The following RSRC1 variants were observed in gnomAD, a reference collection of about 807,000 sequenced individuals.
The protein encoded by RSRC1 is arginine and serine rich coiled-coil 1, also known as serine/Arginine-related protein 53.
In RSRC1, 39 loss-of-function variants were observed where a neutral mutation model predicts 49.1. The ratio of observed to expected loss-of-function variants is 0.79; its 90% confidence interval spans 0.61 to 1.04. RSRC1 has a LOEUF of 1.04. Ranked by LOEUF, RSRC1 falls within the 50% of genes least tolerant of loss-of-function variation. The pLI is 0.00. For missense variants in RSRC1, 388 were observed against 402.4 expected (o/e 0.96, Z 0.31); for synonymous variants, 143 against 130.8 (o/e 1.09, Z -0.63).
intron 3 of RSRC1, among the ~76,000 whole-genome samples, chr3:158,174,837 T>A (rs184239892): frequency 1.3e-4 from 20 of 152,214 alleles, no homozygotes; most frequent in Admixed American, 1.2e-3. Flanking sequence ...CTCCTTTGCC[T>A]GTGCATTCAT....
intron 4 of RSRC1, among the ~76,000 whole-genome samples, chr3:158,220,495 CTG>C (rs1195596785): frequency 2.0e-5 from 3 of 151,588 alleles, no homozygotes; most frequent in African/African-American, 2.4e-5. Context: ...AGAATAAAAA[CTG>C]TAATTCTTTC....
chr3:158,273,704 A>G (rs1259719517), intron 4 of RSRC1, among the ~76,000 whole-genome samples: 5 of 152,142 alleles, frequency 3.3e-5, no homozygotes, highest in African/African-American at 9.6e-5. Context: ...CCCATACTGA[A>G]TAAGTATTAC....
intron 7 of RSRC1, chr3:158,496,946 T>G (rs1045249949): frequency 6.1e-6 from 1 of 164,740 alleles, no homozygotes; most frequent in African/African-American, 2.4e-5. Context: ...CAAATAAAAA[T>G]TTTGGCTTAT....
intron 5 of RSRC1, chr3:158,303,448 TG>T (rs1169417163): frequency 1.3e-5 from 2 of 152,178 alleles, no homozygotes; most frequent in Admixed American, 1.3e-4. Flanking sequence ...CAGGGTGATC[TG>T]GGGCAGTGCT....
At chr3:158,157,472 T>C (rs572773016) in intron 3 of RSRC1, among the ~76,000 whole-genome samples, 1 of 152,210 alleles carries the variant, frequency 6.6e-6, no homozygotes, top group African/African-American at 2.4e-5. Flanking sequence ...TTTGGGATTA[T>C]GACAGTTAAA....
At chr3:158,470,422 A>G (rs1489465392) in intron 7 of RSRC1, among the ~76,000 whole-genome samples, 2 of 151,394 alleles carry the variant, frequency 1.3e-5, no homozygotes, top group East Asian at 1.9e-4. Flanking sequence ...GAAAGTGTAT[A>G]TAAGTTTATT....
At chr3:158,442,139 A>G (rs889404800) in intron 6 of RSRC1, among the ~76,000 whole-genome samples, 2 of 152,106 alleles carry the variant, frequency 1.3e-5, no homozygotes, top group Non-Finnish European at 2.9e-5. Context: ...TCTCACCTTG[A>G]TGTTTATGGC....
intron 7 of RSRC1, among the ~76,000 whole-genome samples, chr3:158,503,371 T>C (rs766714669): frequency 2.0e-5 from 3 of 152,134 alleles, no homozygotes; most frequent in Non-Finnish European, 4.4e-5. Flanking sequence ...GGCCTCCTGC[T>C]GGGAGGTGGC....
intron 6 of RSRC1, among the ~76,000 whole-genome samples, chr3:158,453,845 A>G (rs1025904136): frequency 6.6e-6 from 1 of 151,796 alleles, no homozygotes; most frequent in Non-Finnish European, 1.5e-5. Flanking sequence ...TGCATCTCTA[A>G]TTGTGTCACT....
At chr3:158,509,173 T>A (rs1273325151) in intron 7 of RSRC1, among the ~76,000 whole-genome samples, 3 of 152,200 alleles carry the variant, frequency 2.0e-5, no homozygotes, top group African/African-American at 7.2e-5. Context: ...TTCATTTTTG[T>A]GTAGGATGTG....
intron 5 of RSRC1, among the ~76,000 whole-genome samples, chr3:158,299,211 C>T (rs1559982510): frequency 2.0e-5 from 3 of 152,108 alleles, no homozygotes; most frequent in Non-Finnish European, 4.4e-5. Flanking sequence ...ATATGGATAT[C>T]AGAATAAACA....
At chr3:158,182,463 A>C (rs1719677508) in intron 3 of RSRC1, among the ~76,000 whole-genome samples, 1 of 152,136 alleles carries the variant, frequency 6.6e-6, no homozygotes, top group African/African-American at 2.4e-5. Flanking sequence ...GGACTGGTAG[A>C]ACTTTCAAGG....
chr3:158,525,043 G>C (rs562546092), intron 7 of RSRC1, among the ~76,000 whole-genome samples: 2 of 151,806 alleles, frequency 1.3e-5, no homozygotes, highest in Non-Finnish European at 2.9e-5. Context: ...GACACAAAAA[G>C]CACAAACCAT....
At chr3:158,356,194 A>G (rs1031727742) in intron 6 of RSRC1, among the ~76,000 whole-genome samples, 6 of 152,170 alleles carry the variant, frequency 3.9e-5, no homozygotes, top group African/African-American at 1.2e-4. Context: ...AAAATTTTTT[A>G]CTATAAAGAG....
chr3:158,341,104 T>A (rs946958698), intron 5 of RSRC1, among the ~76,000 whole-genome samples: 1 of 152,020 alleles, frequency 6.6e-6, no homozygotes, highest in Non-Finnish European at 1.5e-5. Context: ...CATTCAGTCT[T>A]AAAAGAGAAA....
intron 6 of RSRC1, among the ~76,000 whole-genome samples, chr3:158,373,235 A>G (rs1732175385): frequency 1.3e-5 from 2 of 151,896 alleles, no homozygotes; most frequent in Non-Finnish European, 3.0e-5. Flanking sequence ...TCTTATTTTT[A>G]CCTTATTACT....
At chr3:158,536,155 A>G (rs1712702221) in intron 7 of RSRC1, among the ~76,000 whole-genome samples, 1 of 151,516 alleles carries the variant, frequency 6.6e-6, no homozygotes, top group Non-Finnish European at 1.5e-5. Flanking sequence ...ATGTAGTAGG[A>G]ATGACACAGC....
At chr3:158,161,298 C>T (rs34186610) in intron 3 of RSRC1, among the ~76,000 whole-genome samples, 2,968 of 152,218 alleles carry the variant, frequency 0.019, 32 homozygotes, top group Admixed American at 0.022. Flanking sequence ...CTTTCATCCT[C>T]CTTGGATCAG....
intron 5 of RSRC1, among the ~76,000 whole-genome samples, chr3:158,335,767 A>G (rs898321054): frequency 1.3e-5 from 2 of 152,190 alleles, no homozygotes; most frequent in African/African-American, 4.8e-5. Context: ...AGCCATAGGT[A>G]ATTTGTAAAT....
Sources: gnomAD v4.1 joint callset for allele counts (sites outside exome capture counted in the v4.1 genomes callset) on GRCh38, gnomAD v4.1.1 for gene constraint, MANE v1.5 for transcripts, NCBI Gene and HGNC (gene_info 2026-07-23, HGNC 2026-07-21) for gene names.